The following ANK2 variants were observed in gnomAD, a reference collection of about 807,000 sequenced individuals.
The protein encoded by ANK2 is ankyrin-2.
ANK2 carries 83 observed loss-of-function variants against 360.5 expected under a neutral mutation model. The observed-to-expected ratio is 0.23, with a 90% CI of 0.19 to 0.28. The LOEUF is 0.28. Ranked by LOEUF, ANK2 falls within the 10% of genes least tolerant of loss-of-function variation. The probability of loss-of-function intolerance (pLI) is 1.00; values close to 1 mark genes in which losing one functional copy is unlikely to be tolerated. For synonymous variants in ANK2, 1,740 were observed against 1,759.5 expected (o/e 0.99, Z 0.28); for missense variants, 4,201 against 4,795.7 (o/e 0.88, Z 3.66).
At chr4:112,960,504 G>A (rs1370315791) in intron 2 of ANK2, among the ~76,000 whole-genome samples, 1 of 151,886 alleles carries the variant, frequency 6.6e-6, no homozygotes, top group African/African-American at 2.4e-5. Flanking sequence ...TTGTTTTTCT[G>A]TTGCTGTTTG....
intron 1 of ANK2, among the ~76,000 whole-genome samples, chr4:113,128,089 A>G (rs1301283148): frequency 6.6e-6 from 1 of 152,228 alleles, no homozygotes; most frequent in Non-Finnish European, 1.5e-5. Context: ...TGGCAGGATG[A>G]TGTTTATTTT....
intron 44 of ANK2, 46 bp from the exon 45 acceptor site, chr4:113,373,239 G>T: frequency 6.2e-7 from 1 of 1,612,596 alleles, no homozygotes; most frequent in South Asian, 1.1e-5. Flanking sequence ...TCAATTCCAT[G>T]GTACTGTCAC....
chr4:113,237,198 G>C, intron 6 of ANK2, 26 bp downstream of exon 6: 1 of 1,606,578 alleles, frequency 6.2e-7, no homozygotes. Context: ...CACATTTGTG[G>C]AAAGGAACTC....
chr4:112,855,791 A>T (rs889530435), intron 1 of ANK2, among the ~76,000 whole-genome samples: 2 of 152,112 alleles, frequency 1.3e-5, no homozygotes, highest in African/African-American at 4.8e-5. Flanking sequence ...CCATGTCTGG[A>T]TATGGCTTGA....
chr4:112,957,016 T>G (rs1380400004), intron 2 of ANK2, among the ~76,000 whole-genome samples: 3 of 146,840 alleles, frequency 2.0e-5, no homozygotes, highest in Non-Finnish European at 4.5e-5. Flanking sequence ...TGTTTTTTTT[T>G]TTTTTTTTTT....
chr4:112,735,862 G>C, the ANK2 span, among the ~76,000 whole-genome samples: 1 of 152,022 alleles, frequency 6.6e-6, no homozygotes, highest in African/African-American at 2.4e-5. Flanking sequence ...CCAGCCCATG[G>C]TAACTACTGT....
At chr4:113,148,556 C>T (rs756623722) in intron 1 of ANK2, among the ~76,000 whole-genome samples, 9 of 152,074 alleles carry the variant, frequency 5.9e-5, no homozygotes, top group Non-Finnish European at 8.8e-5. Context: ...GTTCTTATTA[C>T]TTTAGACCAT....
At chr4:113,368,235 T>C (rs1298456965) in intron 42 of ANK2, among the ~76,000 whole-genome samples, 1 of 152,252 alleles carries the variant, frequency 6.6e-6, no homozygotes, top group Non-Finnish European at 1.5e-5. Flanking sequence ...TGACTTATAA[T>C]ATTGCTGCAC....
chr4:112,730,008 G>A, the ANK2 span, among the ~76,000 whole-genome samples: 5 of 152,088 alleles, frequency 3.3e-5, no homozygotes, highest in East Asian at 9.7e-4. Flanking sequence ...GGCAGAGAGG[G>A]CAAGGATTGG....
intron 1 of ANK2, among the ~76,000 whole-genome samples, chr4:113,056,180 G>A (rs928772291): frequency 2.0e-5 from 3 of 152,108 alleles, no homozygotes; most frequent in African/African-American, 7.2e-5. Flanking sequence ...ATGTGGCTTA[G>A]GCATGTTAAA....
chr4:113,316,262 T>C (rs991601813), intron 24 of ANK2, among the ~76,000 whole-genome samples: 3 of 152,232 alleles, frequency 2.0e-5, no homozygotes, highest in African/African-American at 7.2e-5. Context: ...GATTTATGTA[T>C]GTGTTAACGC....
intron 2 of ANK2, among the ~76,000 whole-genome samples, chr4:112,957,690 G>A: frequency 6.7e-6 from 1 of 149,954 alleles, no homozygotes; most frequent in East Asian, 2.0e-4. Flanking sequence ...GCTGGGCGGG[G>A]GGCTGACCCC....
intron 22 of ANK2, among the ~76,000 whole-genome samples, chr4:113,298,024 G>A (rs2072843959): frequency 2.0e-5 from 3 of 151,914 alleles, no homozygotes; most frequent in Non-Finnish European, 4.4e-5. Context: ...CACCTGCCTT[G>A]GCCTCCCAAA....
At chr4:113,070,415 C>T (rs549950314) in intron 1 of ANK2, among the ~76,000 whole-genome samples, 13 of 151,890 alleles carry the variant, frequency 8.6e-5, no homozygotes, top group Non-Finnish European at 1.6e-4. Flanking sequence ...CCAAAAATTA[C>T]TTGGCATAAT....
At chr4:113,347,545 C>T (rs1398434779) in intron 35 of ANK2, among the ~76,000 whole-genome samples, 1 of 152,170 alleles carries the variant, frequency 6.6e-6, no homozygotes, top group Non-Finnish European at 1.5e-5. Context: ...TTCATTATTA[C>T]ATTTTATTTC....
At chr4:113,343,927 A>T (rs2094549848) in intron 34 of ANK2, among the ~76,000 whole-genome samples, 1 of 151,764 alleles carries the variant, frequency 6.6e-6, no homozygotes. Flanking sequence ...TACTTCACCT[A>T]CTCATTTCCA....
chr4:113,065,796 A>G (rs1580546169), intron 1 of ANK2, among the ~76,000 whole-genome samples: 1 of 152,200 alleles, frequency 6.6e-6, no homozygotes, highest in South Asian at 2.1e-4. Flanking sequence ...CTGAGCTTCT[A>G]TCTACAACGT....
chr4:112,727,624 T>C, the ANK2 span, among the ~76,000 whole-genome samples: 2 of 151,934 alleles, frequency 1.3e-5, no homozygotes, highest in East Asian at 3.9e-4. Context: ...AAATAGAGGA[T>C]ACCCAAATAA....
chr4:112,785,342 TTTC>T, the ANK2 span, among the ~76,000 whole-genome samples: 10 of 152,046 alleles, frequency 6.6e-5, no homozygotes, highest in Admixed American at 1.3e-4. Flanking sequence ...GTGGCTTTTT[TTTC>T]TTTTTGTTTA....
Sources: allele counts gnomAD v4.1 joint callset (sites outside exome capture counted in the v4.1 genomes callset), GRCh38; gene constraint gnomAD v4.1.1; transcripts MANE v1.5; gene names NCBI Gene and HGNC (gene_info 2026-07-23, HGNC 2026-07-21).